Variants in ACACA observed in about 807,000 individuals in gnomAD.
ACACA encodes the protein acetyl-CoA carboxylase 1.
Under a neutral mutation model 296.1 loss-of-function variants are expected in ACACA, and 103 were observed. The observed-to-expected ratio is 0.35, with a 90% CI of 0.30 to 0.41. The LOEUF is 0.41. ACACA is among the 10% of genes least tolerant of loss of function. ACACA has a pLI of 1.00. For synonymous variants in ACACA, 953 were observed against 1,038.6 expected, an observed-to-expected ratio of 0.92 and a Z score of 1.58; for missense variants, 1,554 against 2,989.7, an observed-to-expected ratio of 0.52 and a Z score of 11.20.
intron 9 of ACACA, among the ~76,000 whole-genome samples, chr17:37,273,174 C>T (rs1449800118): frequency 6.6e-6 from 1 of 152,126 alleles, no homozygotes; most frequent in Admixed American, 6.5e-5. Context: ...AACAATACAA[C>T]AAAATTATTT....
chr17:37,384,191 C>T (rs567228357), intron 1 of ACACA, among the ~76,000 whole-genome samples: 7 of 152,260 alleles, frequency 4.6e-5, no homozygotes, highest in Admixed American at 2.0e-4. Flanking sequence ...GGTCAGAAGA[C>T]AGTTCATGAA....
rs1206300279 is a variant in ACACA, at chr17:37,338,934, C to T, written c.85+870G>A. Reference sequence around the variant, plus strand: ...TAGCCTGGGTGACAGAGACTCCCTCCGTCTCAAAAGAAAAAAAAAAAGGAA... The same window carrying T: ...TAGCCTGGGTGACAGAGACTCCCTCTGTCTCAAAAGAAAAAAAAAAAGGAA... On this transcript the variant is annotated intron_variant, in intron 2 of 55. Transcript: ENST00000616317. 3.0e-5 allele frequency among the ~76,000 whole-genome samples: 4 copies of T among 133,420 alleles called. No individual in the cohort carries two copies. The East Asian group carries it at 8.4e-4, about 28-fold the overall frequency. The allele number at this position is 133,420 out of a possible 152,430, so 87.5% of individuals were successfully genotyped here.
intron 52 of ACACA, among the ~76,000 whole-genome samples, chr17:37,104,202 C>T (rs1013405575): frequency 2.6e-5 from 4 of 152,144 alleles, no homozygotes; most frequent in Admixed American, 1.3e-4. Context: ...CTGCAGGCCA[C>T]GGTTGGACAA....
At chr17:37,375,452 A>G (rs1268769245) in intron 1 of ACACA, among the ~76,000 whole-genome samples, 13 of 151,872 alleles carry the variant, frequency 8.6e-5, no homozygotes, top group Admixed American at 8.5e-4. Flanking sequence ...GTGTCACTAC[A>G]CTCCAGCCTG....
intron 52 of ACACA, among the ~76,000 whole-genome samples, chr17:37,110,201 T>C (rs1454482317): frequency 2.6e-5 from 4 of 152,308 alleles, no homozygotes; most frequent in East Asian, 1.9e-4. Flanking sequence ...GCGGCAACAA[T>C]TGGGGGATGC....
intron 11 of ACACA, among the ~76,000 whole-genome samples, chr17:37,262,235 TA>T (rs2081546451): frequency 6.6e-6 from 1 of 152,222 alleles, no homozygotes. Context: ...GTCACCCAGT[TA>T]GTGATCACAA....
intron 1 of ACACA, among the ~76,000 whole-genome samples, chr17:37,374,049 T>C (rs1290465401): frequency 1.3e-5 from 2 of 152,122 alleles, no homozygotes; most frequent in Non-Finnish European, 2.9e-5. Context: ...TTCTTTCTCA[T>C]AGCAAAACTT....
Position 37,162,559 on chromosome 17 carries a change from T to C in ACACA, c.5080-509A>G, listed in dbSNP as rs2076502850. On this transcript the variant is annotated intron_variant, in intron 41 of 55. Transcript: ENST00000616317. ...CTTTGATCTGAGTTTATGCTAGATCTGGTTGTTTGAAAGAGTGTGGCCTCT... is the reference window on the plus strand; with the variant it reads ...CTTTGATCTGAGTTTATGCTAGATCCGGTTGTTTGAAAGAGTGTGGCCTCT... 3 of 262,246 alleles carry C rather than the reference T, an allele frequency of 1.1e-5. No homozygotes were observed. The South Asian group carries it at 1.3e-4, about 11-fold the overall frequency. The allele number at this position is 262,246 out of a possible 1,614,324, so 16.2% of individuals were successfully genotyped here.
At position 37,179,272 on chromosome 17, in the gene ACACA, T is replaced by G. The variant is rs1248332666; in HGVS notation, c.5067A>C (p.Pro1689=). The G allele has an allele frequency of 1.2e-6, 2 of 1,614,126 alleles. No individual in the cohort carries two copies. Among genetic ancestry groups the G allele is most frequent in the Non-Finnish European group, 8.5e-7 (1 of 1,180,006 alleles). The change falls in exon 41 of 56, where the codon CCA becomes CCC. Residue 1689 remains proline, a synonymous_variant. Transcript: ENST00000616317. The part of the protein sequence containing the change: ...QGQLVHMNRL[P]GGNEIGMVAW... ...TTCAACTACTTGCCTCATTTCCTCC[T>G]GGAAGCCTGTTCATGTGGACCAGCT...
chr17:37,171,304 A>G (rs2076874699), intron 41 of ACACA, among the ~76,000 whole-genome samples: 1 of 152,170 alleles, frequency 6.6e-6, no homozygotes. Context: ...CTTGGGCATC[A>G]TCTGCATCAT....
chr17:37,258,259 T>C lies in ACACA; in HGVS notation c.1615A>G (p.Arg539Gly). The C allele has an allele frequency of 6.2e-7, 1 of 1,614,110 alleles. No individual in the cohort carries two copies. Among genetic ancestry groups the C allele is most frequent in the Non-Finnish European group, 8.5e-7 (1 of 1,179,998 alleles). ...ATCCGAGCAGCAATAACATGGCCCC[T>C]TGGACAAGGAACGTGTGCAGAATCT... is the stretch of plus-strand genomic sequence containing the variant. ...FEDSAHVPCPRGHVIAARITS... is the reference protein window; with the variant it reads ...FEDSAHVPCPGGHVIAARITS... The change falls in exon 13 of 56, where the codon AGG becomes GGG. Residue 539 changes from arginine to glycine, a missense_variant. By Grantham distance (125) the Arg-to-Gly change is moderately radical. This residue lies in a region of ACACA where 37 missense variants were observed against 49.9 expected (regional missense o/e 0.74). Coordinates refer to ENST00000616317, the MANE Select transcript of ACACA (RefSeq NM_198834.3).
chr17:37,373,885 G>A (rs1343352837), intron 1 of ACACA, among the ~76,000 whole-genome samples: 1 of 152,162 alleles, frequency 6.6e-6, no homozygotes, highest in Non-Finnish European at 1.5e-5. Context: ...ACCCAAGGAA[G>A]GCAATGGAGC....
chr17:37,148,855 G>A (rs1264936952), intron 45 of ACACA, among the ~76,000 whole-genome samples: 1 of 152,060 alleles, frequency 6.6e-6, no homozygotes, highest in Non-Finnish European at 1.5e-5. Context: ...GGCATGCCCA[G>A]TAGAACTAGG....
In ACACA at chr17:37,151,996, C is replaced by T. The variant is rs1041919399; in HGVS notation, c.5448-575G>A. ...TTTTTTAGTAGAGACGGGGTTTCACCATGTTGGCCAGGATGGTCTCGATCT... is the reference window on the plus strand; with the variant it reads ...TTTTTTAGTAGAGACGGGGTTTCACTATGTTGGCCAGGATGGTCTCGATCT... On this transcript the variant is annotated intron_variant, in intron 43 of 55. Coordinates refer to ENST00000616317, the MANE Select transcript of ACACA (RefSeq NM_198834.3). Among the ~76,000 whole-genome samples, 8 of 150,758 alleles carry T rather than the reference C, an allele frequency of 5.3e-5. No homozygotes were observed. The Admixed American group carries it at 5.3e-4, about 10-fold the overall frequency.
Position 37,192,353 on chromosome 17 carries a change from A to G in ACACA, c.4201-48T>C, listed in dbSNP as rs116494148. Reference sequence around the variant, plus strand: ...AAACAGCTCACAAGAGGCAGTTACAAAATTATACTATGAATGTGAATGTAA... The same window carrying G: ...AAACAGCTCACAAGAGGCAGTTACAGAATTATACTATGAATGTGAATGTAA... On this transcript the variant is annotated intron_variant, in intron 36 of 55. Coordinates refer to ENST00000616317, the MANE Select transcript of ACACA (RefSeq NM_198834.3). 1.7e-3 allele frequency: 2,561 copies of G among 1,520,518 alleles called. 38 individuals are homozygous for G. In the African/African-American group the frequency reaches 0.031, roughly 18 times the overall value. The allele number at this position is 1,520,518 out of a possible 1,614,324, so 94.2% of individuals were successfully genotyped here.
intron 5 of ACACA, among the ~76,000 whole-genome samples, chr17:37,280,517 T>C (rs1487803974): frequency 6.6e-6 from 1 of 152,156 alleles, no homozygotes; most frequent in Non-Finnish European, 1.5e-5. Flanking sequence ...CTCCATGCTT[T>C]TTATCAATAA....
At chr17:37,326,629 G>A (rs559592088) in intron 3 of ACACA, among the ~76,000 whole-genome samples, 14 of 151,812 alleles carry the variant, frequency 9.2e-5, no homozygotes, top group African/African-American at 2.4e-4. Context: ...TCAGGAGTTC[G>A]AGACCAGTCT....
rs1172232844 is a variant in ACACA, at chr17:37,260,249, CATATATATATATATATATATATATAT to C, written c.1330-745_1330-720del. On this transcript the variant is annotated intron_variant, in intron 11 of 55. Coordinates refer to ENST00000616317, the MANE Select transcript of ACACA (RefSeq NM_198834.3). ...TAAGTGATATGCATAACTCCCAAGT[CATATATATATATATATATATATATAT>C]ATATATATATATATATATATATTTT... 1.4e-3 allele frequency among the ~76,000 whole-genome samples: 42 copies of C among 30,516 alleles called. 3 individuals carry two copies. Among genetic ancestry groups the C allele is most frequent in the Admixed American group, 8.9e-3 (14 of 1,570 alleles). The allele number at this position is 30,516 out of a possible 152,430, so 20.0% of individuals were successfully genotyped here. A position where few individuals can be genotyped will look rare whatever the true frequency, so the allele number is the denominator to read the frequency against.
rs750854724 is a variant in ACACA, at chr17:37,268,745, A to ATCTATC, written c.1119+2005_1119+2006insGATAGA. On this transcript the variant is annotated intron_variant, in intron 10 of 55. Coordinates refer to ENST00000616317, the MANE Select transcript of ACACA (RefSeq NM_198834.3). ...TCTATCTATCTATCTATCTATCTATATATATATATATATATATATATATCT... is the reference window on the plus strand; with the variant it reads ...TCTATCTATCTATCTATCTATCTATATCTATCTATATATATATATATATATATATCT... Among the ~76,000 whole-genome samples, 1,020 of 112,998 alleles carry ATCTATC rather than the reference A, an allele frequency of 9.0e-3. 20 individuals are homozygous for ATCTATC. Among genetic ancestry groups the ATCTATC allele is most frequent in the African/African-American group, 0.027 (897 of 33,150 alleles). 74.1% of individuals were successfully genotyped at this position (112,998 alleles called of 152,430 possible). A position where few individuals can be genotyped will look rare whatever the true frequency, so the allele number is the denominator to read the frequency against.
Sources: allele counts gnomAD v4.1 joint callset (sites outside exome capture counted in the v4.1 genomes callset), GRCh38; gene constraint gnomAD v4.1.1; regional missense constraint gnomAD v4.1.1; transcripts MANE v1.5; gene names NCBI Gene and HGNC (gene_info 2026-07-23, HGNC 2026-07-21).